Variants in EYA2 observed in about 807,000 individuals in gnomAD.
EYA2 encodes EYA transcriptional coactivator and phosphatase 2.
Under a neutral mutation model 69.2 loss-of-function variants are expected in EYA2, and 31 were observed. That is an observed-to-expected ratio of 0.45 (90% CI 0.34 to 0.60). The LOEUF (loss-of-function observed/expected upper bound fraction) is 0.60. EYA2 is among the 20% of genes least tolerant of loss of function. EYA2 has a pLI of 0.02. For missense variants in EYA2, 622 were observed against 701.2 expected (o/e 0.89, Z 1.28); for synonymous variants, 257 against 279.4 (o/e 0.92, Z 0.80).
intron 9 of EYA2, among the ~76,000 whole-genome samples, chr20:47,113,222 A>C (rs995734767): frequency 1.3e-5 from 2 of 152,142 alleles, no homozygotes; most frequent in Admixed American, 1.3e-4. Context: ...ACTTAACCAC[A>C]AGGAAATTGA....
At chr20:46,990,606 T>G (rs1379923390) in intron 2 of EYA2, among the ~76,000 whole-genome samples, 1 of 152,220 alleles carries the variant, frequency 6.6e-6, no homozygotes, top group Non-Finnish European at 1.5e-5. Context: ...TTAAAGTTGT[T>G]TAAAAAACTA....
intron 10 of EYA2, among the ~76,000 whole-genome samples, chr20:47,157,930 A>G (rs2033988798): frequency 6.6e-6 from 1 of 151,998 alleles, no homozygotes; most frequent in Non-Finnish European, 1.5e-5. Flanking sequence ...ATTTTATAAG[A>G]CTAACATCAC....
chr20:47,026,583 C>T (rs1440195740), intron 5 of EYA2, among the ~76,000 whole-genome samples: 1 of 152,124 alleles, frequency 6.6e-6, no homozygotes, highest in Non-Finnish European at 1.5e-5. Context: ...AGAAATGTTA[C>T]TTTTTCAAAA....
At chr20:47,084,932 C>A (rs2146496901) in intron 7 of EYA2, among the ~76,000 whole-genome samples, 1 of 150,638 alleles carries the variant, frequency 6.6e-6, no homozygotes, top group South Asian at 2.1e-4. Context: ...ACCTCCTGGG[C>A]TCAAGTGATC....
chr20:47,017,238 C>A (rs1188625744), intron 5 of EYA2, among the ~76,000 whole-genome samples: 1 of 152,144 alleles, frequency 6.6e-6, no homozygotes, highest in African/African-American at 2.4e-5. Flanking sequence ...TCTGCTGTTT[C>A]CCTTTATATA....
intron 9 of EYA2, among the ~76,000 whole-genome samples, chr20:47,098,346 G>A (rs2032314743): frequency 6.6e-6 from 1 of 152,246 alleles, no homozygotes; most frequent in African/African-American, 2.4e-5. Flanking sequence ...AGGGGCCACA[G>A]TAGTAAGTTG....
intron 5 of EYA2, among the ~76,000 whole-genome samples, chr20:47,017,112 C>T (rs972950534): frequency 2.0e-5 from 3 of 152,208 alleles, no homozygotes; most frequent in Non-Finnish European, 4.4e-5. Flanking sequence ...CTCCCATGCT[C>T]ATCTCCACTC....
chr20:47,033,037 C>T (rs539279763), intron 5 of EYA2, among the ~76,000 whole-genome samples: 1 of 152,314 alleles, frequency 6.6e-6, no homozygotes, highest in Non-Finnish European at 1.5e-5. Flanking sequence ...TCTGCTACTC[C>T]AGCCCTAAAC....
intron 1 of EYA2, among the ~76,000 whole-genome samples, chr20:46,930,562 A>G (rs1985623782): frequency 6.6e-6 from 1 of 152,130 alleles, no homozygotes; most frequent in African/African-American, 2.4e-5. Context: ...GGGTAATGCT[A>G]TAGAAAGCAC....
At chr20:47,164,915 C>T (rs2034150679) in intron 10 of EYA2, among the ~76,000 whole-genome samples, 1 of 152,264 alleles carries the variant, frequency 6.6e-6, no homozygotes, top group Non-Finnish European at 1.5e-5. Context: ...GGCCAGTTTG[C>T]AGGCTCTTCC....
In EYA2 at chr20:47,188,349, T is replaced by C. The variant is rs2034689144; in HGVS notation, c.*216T>C. On this transcript the variant is annotated 3_prime_UTR_variant, in exon 16 of 16. Transcript: ENST00000327619. ...CAACATTGGCTTCGGAGTATTTGAC[T>C]TTGGGGAAAAGGGCTGGCTCGGAGT... is the stretch of plus-strand genomic sequence containing the variant. The C allele has an allele frequency of 1.7e-6, 1 of 602,630 alleles. No individual in the cohort carries two copies. The allele number at this position is 602,630 out of a possible 1,614,324, so 37.3% of individuals were successfully genotyped here.
At chr20:47,018,003 C>A (rs1049568043) in intron 5 of EYA2, among the ~76,000 whole-genome samples, 5 of 152,186 alleles carry the variant, frequency 3.3e-5, no homozygotes, top group Non-Finnish European at 7.3e-5. Context: ...TGTCCCCAGT[C>A]GGGCCTTTCT....
intron 9 of EYA2, among the ~76,000 whole-genome samples, chr20:47,118,369 C>T (rs1228634919): frequency 1.3e-5 from 2 of 152,114 alleles, no homozygotes; most frequent in African/African-American, 4.8e-5. Context: ...AGGAGAGTGA[C>T]CTCACTAGTC....
At chr20:47,169,730 T>C (rs1011863631) in intron 11 of EYA2, among the ~76,000 whole-genome samples, 2 of 152,120 alleles carry the variant, frequency 1.3e-5, no homozygotes, top group Admixed American at 6.6e-5. Context: ...ATGTTGAAAA[T>C]ACCCTTTCTT....
At position 47,001,327 on chromosome 20, in the gene EYA2, C is replaced by T; in HGVS notation, c.110-101C>T. 4.9e-6 allele frequency: 5 copies of T among 1,013,602 alleles called. No individual in the cohort carries two copies. In the Admixed American group the frequency reaches 5.1e-5, roughly 10 times the overall value. 62.8% of individuals were successfully genotyped at this position (1,013,602 alleles called of 1,614,324 possible). On this transcript the variant is annotated intron_variant, in intron 2 of 15. Transcript: ENST00000327619. ...GTGGAGAAAGCCGCGGGCAGCACCCCTCCAAGTCTGCTCCTGCTTAAGTGG... is the reference window on the plus strand; with the variant it reads ...GTGGAGAAAGCCGCGGGCAGCACCCTTCCAAGTCTGCTCCTGCTTAAGTGG...
chr20:47,188,359 A>G lies in EYA2; in HGVS notation c.*226A>G. ...TTCGGAGTATTTGACTTTGGGGAAA[A>G]GGGCTGGCTCGGAGTCTAGACTCTT... On this transcript the variant is annotated 3_prime_UTR_variant, in exon 16 of 16. Transcript: ENST00000327619. 2 of 600,854 alleles carry G rather than the reference A, an allele frequency of 3.3e-6. No individual in the cohort carries two copies. The highest frequency in any genetic ancestry group is 5.9e-6 in the Non-Finnish European group (2 of 336,948). 37.2% of individuals were successfully genotyped at this position (600,854 alleles called of 1,614,324 possible).
intron 1 of EYA2, among the ~76,000 whole-genome samples, chr20:46,923,144 G>T (rs1309100303): frequency 6.6e-6 from 1 of 152,202 alleles, no homozygotes; most frequent in Non-Finnish European, 1.5e-5. Context: ...GAGGCGGGCG[G>T]ATCACTTGAG....
chr20:47,106,243 A>C (rs1046260525), intron 9 of EYA2, among the ~76,000 whole-genome samples: 9 of 152,170 alleles, frequency 5.9e-5, no homozygotes, highest in African/African-American at 2.4e-5. Flanking sequence ...AATGGCAAGC[A>C]CCAGGGTGGT....
At chr20:46,927,502 T>C (rs146039080) in intron 1 of EYA2, among the ~76,000 whole-genome samples, 2,047 of 151,552 alleles carry the variant, frequency 0.014, 27 homozygotes, top group Middle Eastern at 0.044. Context: ...TCCATGTGAC[T>C]GGGGAGGCCT....
Sources: allele counts gnomAD v4.1 joint callset (sites outside exome capture counted in the v4.1 genomes callset), GRCh38; gene constraint gnomAD v4.1.1; transcripts MANE v1.5; gene names NCBI Gene and HGNC (gene_info 2026-07-23, HGNC 2026-07-21).